Variants in SDK2 observed in about 807,000 individuals in gnomAD.
The protein encoded by SDK2 is sidekick cell adhesion molecule 2, also known as protein sidekick-2.
Under a neutral mutation model 253.9 loss-of-function variants are expected in SDK2, and 105 were observed. That is an observed-to-expected ratio of 0.41 (90% CI 0.35 to 0.49). SDK2 has a LOEUF of 0.49. Among genes scored for constraint, SDK2 ranks in the 20% least tolerant of loss-of-function variants. The pLI is 0.06. For missense variants in SDK2, 2,608 were observed against 3,003.0 expected, an observed-to-expected ratio of 0.87 and a Z score of 3.07; for synonymous variants, 1,249 against 1,234.9, an observed-to-expected ratio of 1.01 and a Z score of -0.24.
intron 1 of SDK2, among the ~76,000 whole-genome samples, chr17:73,626,650 G>T (rs1403546619): frequency 6.6e-6 from 1 of 152,232 alleles, no homozygotes; most frequent in Non-Finnish European, 1.5e-5. Context: ...CCTGTGCCCA[G>T]AAGACAGGTG....
chr17:73,395,012 T>G lies in SDK2; in HGVS notation c.3592+143A>C. On this transcript the variant is annotated intron_variant, in intron 25 of 44. Coordinates refer to ENST00000392650, the MANE Select transcript of SDK2 (RefSeq NM_001144952.2). The surrounding 1 kb of genome is among the most constrained non-coding windows in gnomAD (Gnocchi z 4.3). ...GCTGGGAGAGGCGGCAACATCATTG[T>G]GACATTGAGCATAAGCAGAGGAAAT... The G allele has an allele frequency of 3.1e-6, 2 of 645,714 alleles. No homozygotes were observed. Among genetic ancestry groups the G allele is most frequent in the Non-Finnish European group, 5.4e-6 (2 of 372,634 alleles). The allele number at this position is 645,714 out of a possible 1,614,324, so 40.0% of individuals were successfully genotyped here. A position where few individuals can be genotyped will look rare whatever the true frequency, so the allele number is the denominator to read the frequency against.
intron 1 of SDK2, among the ~76,000 whole-genome samples, chr17:73,525,770 C>T (rs1329732611): frequency 6.6e-6 from 1 of 152,140 alleles, no homozygotes; most frequent in Non-Finnish European, 1.5e-5. Flanking sequence ...TACCTTGCCC[C>T]CTAGATTTCG....
intron 4 of SDK2, among the ~76,000 whole-genome samples, chr17:73,451,233 A>G (rs1040759524): frequency 3.3e-5 from 5 of 152,212 alleles, no homozygotes; most frequent in African/African-American, 1.2e-4. Flanking sequence ...GGGGCTGGGC[A>G]CGGTGGCTCA....
At chr17:73,394,606 A>G (rs557464950) in intron 25 of SDK2, among the ~76,000 whole-genome samples, 1 of 152,322 alleles carries the variant, frequency 6.6e-6, no homozygotes, top group South Asian at 2.1e-4. Context: ...AGCACAGCAG[A>G]GAGGGCTGGC....
chr17:73,400,722 C>T (rs974087964), intron 21 of SDK2, among the ~76,000 whole-genome samples: 3 of 149,982 alleles, frequency 2.0e-5, no homozygotes, highest in Admixed American at 6.6e-5. Flanking sequence ...GGTGTGATCT[C>T]GGCTCGCTGC....
At chr17:73,348,854 G>GAAGGCAGACCCAGGAA in intron 43 of SDK2, 129 bp from the exon 44 acceptor site, 1 of 743,048 alleles carries the variant, frequency 1.3e-6, no homozygotes, top group Non-Finnish European at 2.1e-6. Context: ...CTCCTTCCTG[G>GAAGGCAGACCCAGGAA]GTCTGCCTTC....
chr17:73,504,457 T>G (rs1237582981), intron 2 of SDK2: 43 of 102,884 alleles, frequency 4.2e-4, no homozygotes, highest in Admixed American at 4.0e-3. Context: ...GAAACCCCGT[T>G]TCTACTAAAA....
chr17:73,340,546 GCTT>G (rs2062425676), intron 44 of SDK2, among the ~76,000 whole-genome samples: 1 of 152,086 alleles, frequency 6.6e-6, no homozygotes, highest in African/African-American at 2.4e-5. Flanking sequence ...TCTTGGTCCA[GCTT>G]CTGCTTTACT....
At chr17:73,622,864 TC>T (rs2046150711) in intron 1 of SDK2, among the ~76,000 whole-genome samples, 1 of 152,244 alleles carries the variant, frequency 6.6e-6, no homozygotes, top group Non-Finnish European at 1.5e-5. Flanking sequence ...ATCTTGGAAT[TC>T]AAGGGCCTTG....
intron 6 of SDK2, among the ~76,000 whole-genome samples, chr17:73,439,233 C>G (rs2063395532): frequency 6.6e-6 from 1 of 152,158 alleles, no homozygotes; most frequent in South Asian, 2.1e-4. Context: ...CCTGAGGCCT[C>G]CCCAGAAGCA....
chr17:73,529,890 G>T (rs899592640), intron 1 of SDK2, among the ~76,000 whole-genome samples: 1 of 152,192 alleles, frequency 6.6e-6, no homozygotes, highest in African/African-American at 2.4e-5. Flanking sequence ...CACCCAGTTT[G>T]TGGTATTTGT....
At chr17:73,423,298 A>G (rs2145588710) in intron 14 of SDK2, 88 bp downstream of exon 14, 2 of 1,234,798 alleles carry the variant, frequency 1.6e-6, no homozygotes, top group Non-Finnish European at 2.1e-6. Flanking sequence ...CAGAACTAGG[A>G]AGCAGGAGAG....
Position 73,618,954 on chromosome 17 carries a change from G to T in SDK2, c.64+25071C>A, listed in dbSNP as rs1213296370. On this transcript the variant is annotated intron_variant, in intron 1 of 44. Coordinates refer to ENST00000392650, the MANE Select transcript of SDK2 (RefSeq NM_001144952.2). The surrounding 1 kb of genome is among the most constrained non-coding windows in gnomAD (Gnocchi z 4.1). ...GGCCAAGGCGGGTGGATCACTTGAG[G>T]TCAGGAGTTTGAGACTGGCCTGGAC... is the stretch of plus-strand genomic sequence containing the variant. 6.6e-6 allele frequency among the ~76,000 whole-genome samples: 1 copy of T among 152,156 alleles called. No individual in the cohort carries two copies. Among genetic ancestry groups the T allele is most frequent in the Non-Finnish European group, 1.5e-5 (1 of 68,038 alleles).
chr17:73,435,553 GC>G lies in SDK2; in HGVS notation c.1091del (p.Gly364AlafsTer50). The G allele has an allele frequency of 6.3e-7, 1 of 1,592,474 alleles. No individual in the cohort carries two copies. Among genetic ancestry groups the G allele is most frequent in the South Asian group, 1.1e-5 (1 of 87,378 alleles). On this transcript the variant is annotated frameshift_variant, in exon 9 of 45. Coordinates refer to ENST00000392650, the MANE Select transcript of SDK2 (RefSeq NM_001144952.2). LOFTEE classifies it high-confidence loss of function. This position sits in a 1 kb window ranked among gnomAD's most constrained non-coding sequence, Gnocchi z 5.7. ...CGGGCACCAGGCCGCTGATCTGCAG[GC>G]CCCCGTCGTTGCGCTGCCGGAAGCG... ...LTRFRQRNDG[G>X]LQISGLVPDD... is the part of the protein sequence containing the mutation.
chr17:73,641,780 C>A (rs1178572268), intron 1 of SDK2, among the ~76,000 whole-genome samples: 1 of 152,178 alleles, frequency 6.6e-6, no homozygotes, highest in African/African-American at 2.4e-5. Context: ...AATGTCATGG[C>A]CTGAGACTGG....
At chr17:73,376,476 A>G (rs1286276037) in intron 36 of SDK2, among the ~76,000 whole-genome samples, 1 of 152,196 alleles carries the variant, frequency 6.6e-6, no homozygotes, top group East Asian at 1.9e-4. Flanking sequence ...TCATGGGTTG[A>G]TGAAGTTAAT....
intron 1 of SDK2, among the ~76,000 whole-genome samples, chr17:73,564,479 AC>A (rs1296885933): frequency 2.0e-5 from 3 of 152,176 alleles, no homozygotes; most frequent in Non-Finnish European, 4.4e-5. Flanking sequence ...TGTACGTGTG[AC>A]CCAGAGAGGT....
At chr17:73,367,649 C>T (rs561693094) in intron 37 of SDK2, among the ~76,000 whole-genome samples, 2 of 152,220 alleles carry the variant, frequency 1.3e-5, no homozygotes, top group Non-Finnish European at 2.9e-5. Context: ...ATTACAGGCA[C>T]GTACCACCAT....
At chr17:73,587,921 C>G (rs2045623980) in intron 1 of SDK2, among the ~76,000 whole-genome samples, 1 of 152,154 alleles carries the variant, frequency 6.6e-6, no homozygotes, top group South Asian at 2.1e-4. Flanking sequence ...TAAGAAACTC[C>G]CTGTCCTGTT....
Sources: gnomAD v4.1 joint callset for allele counts (sites outside exome capture counted in the v4.1 genomes callset) on GRCh38, gnomAD v4.1.1 for gene constraint, Gnocchi (gnomAD v3.1) non-coding constraint, MANE v1.5 for transcripts, NCBI Gene and HGNC (gene_info 2026-07-23, HGNC 2026-07-21) for gene names.